Variants in ULK4 observed in about 807,000 individuals in gnomAD.
ULK4 encodes the protein inactive serine/threonine-protein kinase ULK4.
In ULK4, 133 loss-of-function variants were observed where a neutral mutation model predicts 160.6. The observed-to-expected ratio is 0.83, with a 90% CI of 0.72 to 0.96. The LOEUF (loss-of-function observed/expected upper bound fraction) is 0.96, where lower values mean the gene tolerates loss of function less well. Among genes scored for constraint, ULK4 ranks in the 40% least tolerant of loss-of-function variants. The probability of loss-of-function intolerance (pLI) is 0.00; values close to 1 mark genes in which losing one functional copy is unlikely to be tolerated. For missense variants in ULK4, 1,580 were observed against 1,499.5 expected (o/e 1.05, Z -0.89); for synonymous variants, 534 against 539.8 (o/e 0.99, Z 0.15).
At chr3:41,945,144 C>G (rs1163653712) in intron 2 of ULK4, among the ~76,000 whole-genome samples, 1 of 152,200 alleles carries the variant, frequency 6.6e-6, no homozygotes, top group Non-Finnish European at 1.5e-5. Flanking sequence ...ATTAAGGAAT[C>G]AAGACTCTGC....
intron 35 of ULK4, among the ~76,000 whole-genome samples, chr3:41,292,851 G>GAA (rs1410099384): frequency 6.6e-6 from 1 of 152,176 alleles, no homozygotes; most frequent in African/African-American, 2.4e-5. Context: ...GGCTGAGGCA[G>GAA]AAGAATTGCT....
chr3:41,604,396 ATTAT>A (rs1304989475), intron 31 of ULK4, among the ~76,000 whole-genome samples: 1 of 152,142 alleles, frequency 6.6e-6, no homozygotes, highest in African/African-American at 2.4e-5. Context: ...ACATTCCTGT[ATTAT>A]TTGAGAATAT....
intron 33 of ULK4, among the ~76,000 whole-genome samples, chr3:41,458,574 A>G (rs1034441490): frequency 1.3e-5 from 2 of 152,182 alleles, no homozygotes; most frequent in Admixed American, 6.5e-5. Context: ...CTAAAGTGAG[A>G]TAACAGAATA....
At chr3:41,630,989 T>C (rs1043154228) in intron 30 of ULK4, among the ~76,000 whole-genome samples, 4 of 152,214 alleles carry the variant, frequency 2.6e-5, no homozygotes, top group Non-Finnish European at 5.9e-5. Context: ...TCATTTTAAA[T>C]TGAAAATCTC....
intron 17 of ULK4, among the ~76,000 whole-genome samples, chr3:41,879,314 AATG>A (rs1178509252): frequency 1.3e-5 from 2 of 152,146 alleles, no homozygotes; most frequent in East Asian, 3.8e-4. Context: ...TTACTAGTAA[AATG>A]ATATCATTTT....
chr3:41,471,231 C>A (rs1437616558), intron 32 of ULK4, among the ~76,000 whole-genome samples: 1 of 151,952 alleles, frequency 6.6e-6, no homozygotes, highest in Non-Finnish European at 1.5e-5. Context: ...GACTTTAAAC[C>A]AAAACTACAG....
chr3:41,782,227 G>A (rs998939113), intron 21 of ULK4, among the ~76,000 whole-genome samples: 2 of 151,446 alleles, frequency 1.3e-5, no homozygotes, highest in African/African-American at 4.9e-5. Flanking sequence ...TTTTATGAGA[G>A]AGGGTTTGCA....
At chr3:41,697,214 C>T (rs945542653) in intron 27 of ULK4, among the ~76,000 whole-genome samples, 9 of 152,080 alleles carry the variant, frequency 5.9e-5, no homozygotes, top group African/African-American at 1.9e-4. Context: ...TATATATATA[C>T]AGTCATGCAT....
At chr3:41,279,162 T>C (rs1468439438) in intron 35 of ULK4, among the ~76,000 whole-genome samples, 1 of 145,858 alleles carries the variant, frequency 6.9e-6, no homozygotes, top group Non-Finnish European at 1.5e-5. Context: ...CGAGTTTAAA[T>C]AGCCAATTCG....
At chr3:41,854,774 G>A (rs2042295567) in intron 17 of ULK4, 1 of 151,586 alleles carries the variant, frequency 6.6e-6, no homozygotes, top group Admixed American at 6.6e-5. Flanking sequence ...CCTTCCCCAG[G>A]GAGTCTTCAG....
chr3:41,895,601 A>T, intron 15 of ULK4, 37 bp from the exon 16 acceptor site: 2 of 1,358,752 alleles, frequency 1.5e-6, no homozygotes, highest in Non-Finnish European at 2.0e-6. Flanking sequence ...AAAAGAAAAA[A>T]TTAAAATGTT....
intron 35 of ULK4, among the ~76,000 whole-genome samples, chr3:41,380,222 AAAGGG>A (rs1490486248): frequency 6.6e-6 from 1 of 152,194 alleles, no homozygotes. Flanking sequence ...AGGCAATTCA[AAAGGG>A]AATGCTAATT....
At chr3:41,608,934 C>CT (rs1575479397) in intron 31 of ULK4, among the ~76,000 whole-genome samples, 1 of 152,338 alleles carries the variant, frequency 6.6e-6, no homozygotes, top group East Asian at 1.9e-4. Flanking sequence ...TTAGCTACTT[C>CT]TCTCCTGTGT....
intron 22 of ULK4, among the ~76,000 whole-genome samples, chr3:41,732,889 G>C (rs1326634648): frequency 6.6e-6 from 1 of 152,038 alleles, no homozygotes; most frequent in African/African-American, 2.4e-5. Flanking sequence ...CTCATATGTG[G>C]AATCTCAAAA....
At chr3:41,721,362 A>ATATATTTTTTTT (rs1553639902) in intron 22 of ULK4, among the ~76,000 whole-genome samples, 1 of 27,934 alleles carries the variant, frequency 3.6e-5, no homozygotes, top group African/African-American at 1.9e-4. Context: ...ATATATATAT[A>ATATATTTTTTTT]TTTTTTTTTT....
intron 30 of ULK4, among the ~76,000 whole-genome samples, chr3:41,630,752 T>A (rs561318533): frequency 7.9e-5 from 12 of 152,330 alleles, no homozygotes; most frequent in Non-Finnish European, 1.3e-4. Context: ...CCCAGTTCCC[T>A]TCCCCCTGCC....
chr3:41,506,805 T>TATATATATATATATATAA (rs1559658286), intron 32 of ULK4, among the ~76,000 whole-genome samples: 1 of 114,360 alleles, frequency 8.7e-6, no homozygotes, highest in Non-Finnish European at 1.8e-5. Flanking sequence ...TATATATATA[T>TATATATATATATATATAA]ATGAACATGT....
At chr3:41,337,548 C>T (rs900547968) in intron 35 of ULK4, among the ~76,000 whole-genome samples, 2 of 152,060 alleles carry the variant, frequency 1.3e-5, no homozygotes, top group Non-Finnish European at 2.9e-5. Context: ...CATGCACACA[C>T]ACACACGCAT....
intron 30 of ULK4, among the ~76,000 whole-genome samples, chr3:41,627,790 G>A (rs2033587908): frequency 6.6e-6 from 1 of 152,120 alleles, no homozygotes; most frequent in Non-Finnish European, 1.5e-5. Context: ...GAACAGACAC[G>A]AAGAAAACCT....
Sources: gnomAD v4.1 joint callset for allele counts (sites outside exome capture counted in the v4.1 genomes callset) on GRCh38, gnomAD v4.1.1 for gene constraint, MANE v1.5 for transcripts, NCBI Gene and HGNC (gene_info 2026-07-23, HGNC 2026-07-21) for gene names.